The following GPR89B variants were observed in gnomAD, a reference collection of about 807,000 sequenced individuals.
GPR89B encodes G protein-coupled receptor 89B.
A neutral mutation model predicts 52.4 loss-of-function variants in GPR89B; 25 were observed. The observed-to-expected ratio is 0.48, with a 90% CI of 0.35 to 0.67. The LOEUF is 0.67. Among genes scored for constraint, GPR89B ranks in the 30% least tolerant of loss-of-function variants. The pLI is 0.01. For missense variants in GPR89B, 146 were observed against 450.2 expected, an observed-to-expected ratio of 0.32 and a Z score of 6.11; for synonymous variants, 52 against 151.2, an observed-to-expected ratio of 0.34 and a Z score of 4.81.
chr1:148,025,614 A>G, the GPR89B span, among the ~76,000 whole-genome samples: 2 of 145,512 alleles, frequency 1.4e-5, no homozygotes, highest in African/African-American at 5.2e-5. Context: ...CTGAATTTAT[A>G]TGTTGAAAGC....
intron 7 of GPR89B, among the ~76,000 whole-genome samples, chr1:147,960,502 T>A (rs1656453144): frequency 6.6e-6 from 1 of 151,758 alleles, no homozygotes; most frequent in East Asian, 1.9e-4. Context: ...GTAACGGAAA[T>A]AAAAATTTTA....
intron 7 of GPR89B, among the ~76,000 whole-genome samples, chr1:147,955,323 A>T (rs1445095151): frequency 6.6e-6 from 1 of 152,058 alleles, no homozygotes; most frequent in African/African-American, 2.4e-5. Flanking sequence ...ATATAGATTG[A>T]TACCATAACT....
chr1:148,025,192 A>G, the GPR89B span, among the ~76,000 whole-genome samples: 1 of 151,560 alleles, frequency 6.6e-6, no homozygotes, highest in Non-Finnish European at 1.5e-5. Flanking sequence ...GTTTACTACC[A>G]TTTTCCCCTA....
chr1:148,025,675 T>G, the GPR89B span: 3 of 145,628 alleles, frequency 2.1e-5, no homozygotes, highest in Non-Finnish European at 3.0e-5. Flanking sequence ...AGGAGGTAAT[T>G]AAGGTTAATT....
chr1:147,946,595 G>GC (rs1654994835), intron 5 of GPR89B, among the ~76,000 whole-genome samples: 1 of 151,844 alleles, frequency 6.6e-6, no homozygotes, highest in Non-Finnish European at 1.5e-5. Context: ...GTTAGAAAAG[G>GC]CCCCCAGGGC....
chr1:147,993,949 C>T, downstream of GPR89B: 1 of 235,760 alleles, frequency 4.2e-6, no homozygotes. Flanking sequence ...TTATAAGCAG[C>T]TGTCACCTAT....
At chr1:147,975,641 C>T (rs1225692830) in intron 10 of GPR89B, among the ~76,000 whole-genome samples, 6 of 152,242 alleles carry the variant, frequency 3.9e-5, no homozygotes, top group Non-Finnish European at 7.4e-5. Flanking sequence ...AAGGGTTTTT[C>T]GTGTCTCTAT....
At chr1:147,992,427 T>G (rs1659135331) in intron 12 of GPR89B, 75 bp from the exon 13 acceptor site, 7 of 1,453,270 alleles carry the variant, frequency 4.8e-6, no homozygotes, top group Non-Finnish European at 6.8e-6. Context: ...AATCAAATGT[T>G]AACCATATTT....
chr1:148,025,358 G>T, the GPR89B span, among the ~76,000 whole-genome samples: 1 of 151,320 alleles, frequency 6.6e-6, no homozygotes, highest in Non-Finnish European at 1.5e-5. Context: ...GGATTTAATA[G>T]GTAAAGAATC....
At chr1:148,009,811 G>T in the GPR89B span, among the ~76,000 whole-genome samples, 1 of 152,086 alleles carries the variant, frequency 6.6e-6, no homozygotes, top group Non-Finnish European at 1.5e-5. Context: ...TATAGAGTGT[G>T]GTTCAACCCC....
At chr1:147,987,328 T>C (rs1658738674) in intron 11 of GPR89B, among the ~76,000 whole-genome samples, 1 of 151,956 alleles carries the variant, frequency 6.6e-6, no homozygotes, top group Non-Finnish European at 1.5e-5. Flanking sequence ...AAGACCAGCC[T>C]GGGCAACATG....
intron 7 of GPR89B, among the ~76,000 whole-genome samples, chr1:147,958,735 T>G (rs1285073097): frequency 2.6e-5 from 4 of 152,074 alleles, no homozygotes; most frequent in African/African-American, 4.8e-5. Flanking sequence ...GACTCTGATC[T>G]GTACATACTA....
intron 10 of GPR89B, among the ~76,000 whole-genome samples, chr1:147,970,454 G>A (rs1657334419): frequency 6.6e-6 from 1 of 150,956 alleles, no homozygotes; most frequent in South Asian, 2.1e-4. Context: ...CTAAGATCAC[G>A]CCACTGCACT....
chr1:147,950,043 C>T (rs587713077), intron 5 of GPR89B, among the ~76,000 whole-genome samples: 13 of 147,480 alleles, frequency 8.8e-5, no homozygotes, highest in African/African-American at 2.6e-4. Flanking sequence ...CACCTCCCTC[C>T]CGGACGGGGC....
chr1:148,022,331 C>A, the GPR89B span, among the ~76,000 whole-genome samples: 1 of 150,438 alleles, frequency 6.6e-6, no homozygotes, highest in Non-Finnish European at 1.5e-5. Context: ...CGTGTTCCCT[C>A]GGCTTCTGTT....
In GPR89B at chr1:147,928,451, A is replaced by C. The variant is rs1432292833; in HGVS notation, c.-86A>C. ...CCGGCTGCAGCACCTGGGAGAAGGC[A>C]GACCGTGTGAGGGGGCCTGTGGCCC... On this transcript the variant is annotated 5_prime_UTR_variant, in exon 1 of 14. Coordinates refer to ENST00000314163, the MANE Select transcript of GPR89B (RefSeq NM_016334.5). 5 of 1,535,298 alleles carry C rather than the reference A, an allele frequency of 3.3e-6. No individual in the cohort carries two copies. The highest frequency in any genetic ancestry group is 3.6e-6 in the Non-Finnish European group (4 of 1,111,962).
chr1:147,971,464 CTTT>C (rs1196935183), intron 10 of GPR89B, among the ~76,000 whole-genome samples: 190 of 69,908 alleles, frequency 2.7e-3, no homozygotes, highest in African/African-American at 9.9e-3. Flanking sequence ...GGAAGCATGT[CTTT>C]TTTTTTTTTT....
intron 3 of GPR89B, among the ~76,000 whole-genome samples, chr1:147,940,520 A>G (rs1405872077): frequency 1.3e-5 from 2 of 152,278 alleles, no homozygotes; most frequent in African/African-American, 4.8e-5. Context: ...AAATTTTATT[A>G]TCACAACCTG....
At chr1:147,936,081 G>C (rs868930225) in intron 1 of GPR89B, among the ~76,000 whole-genome samples, 5 of 152,150 alleles carry the variant, frequency 3.3e-5, no homozygotes, top group Non-Finnish European at 2.9e-5. Context: ...GCAGTGGCAC[G>C]ATATTGGCTC....
Sources: gnomAD v4.1 joint callset for allele counts (sites outside exome capture counted in the v4.1 genomes callset) on GRCh38, gnomAD v4.1.1 for gene constraint, MANE v1.5 for transcripts, NCBI Gene and HGNC (gene_info 2026-07-23, HGNC 2026-07-21) for gene names.